POLD2: variants seen among roughly 807,000 people sequenced by gnomAD.
POLD2 encodes the protein DNA polymerase delta 2, accessory subunit.
A neutral mutation model predicts 48.8 loss-of-function variants in POLD2; 31 were observed. That is an observed-to-expected ratio of 0.64 (90% CI 0.48 to 0.86). The LOEUF (loss-of-function observed/expected upper bound fraction) is 0.86. Among genes scored for constraint, POLD2 ranks in the 40% least tolerant of loss-of-function variants. The pLI is 0.00. For missense variants in POLD2, 455 were observed against 610.1 expected (o/e 0.75, Z 2.68); for synonymous variants, 233 against 256.3 (o/e 0.91, Z 0.87).
At chr7:44,117,455 G>A in intron 4 of POLD2, 164 bp downstream of exon 4, 1 of 885,992 alleles carries the variant, frequency 1.1e-6, no homozygotes, top group Non-Finnish European at 1.7e-6. Context: ...CACCCAATCT[G>A]ATGGCCTCCG....
chr7:44,119,371 G>A (rs2096245223), intron 2 of POLD2, among the ~76,000 whole-genome samples: 1 of 152,130 alleles, frequency 6.6e-6, no homozygotes, highest in South Asian at 2.1e-4. Context: ...CACAGCCTGA[G>A]CCCCTGCTGC....
intron 1 of POLD2, chr7:44,122,417 C>T: frequency 1.8e-6 from 2 of 1,104,276 alleles, no homozygotes; most frequent in South Asian, 4.1e-5. Flanking sequence ...TCAGTTTGCC[C>T]CAAATGGAAT....
At position 44,122,008 on chromosome 7, in the gene POLD2, G is replaced by A. The variant is rs904520713; in HGVS notation, c.46C>T (p.Pro16Ser). The A allele has an allele frequency of 1.2e-5, 20 of 1,613,700 alleles. No individual in the cohort carries two copies. Among genetic ancestry groups the A allele is most frequent in the Non-Finnish European group, 1.6e-5 (19 of 1,180,034 alleles). ...AAGGTGGCATTGTTGGCTGATGGTG[G>A]GGACAGTAGAGTGTGGGCCCTCTGG... The part of the protein sequence containing the change: ...AAQRAHTLLS[P>S]PSANNATFAR... Residue 16 changes from proline (P) to serine (S), a missense_variant, in exon 2 of 11, where the codon CCA becomes TCA. This residue lies in a region of POLD2 where 349 missense variants were observed against 437.4 expected (regional missense o/e 0.80). Transcript: ENST00000610533.
chr7:44,123,589 T>G (rs2096251410), upstream of POLD2: 3 of 1,446,148 alleles, frequency 2.1e-6, no homozygotes, highest in African/African-American at 1.5e-5. Context: ...CCGCGCGGCT[T>G]CCCCGCCCAT....
chr7:44,122,361 C>T (rs1174406343), intron 1 of POLD2: 4 of 1,278,766 alleles, frequency 3.1e-6, no homozygotes, highest in Non-Finnish European at 3.9e-6. Flanking sequence ...ACCCTAGACT[C>T]AGGTGTCCTG....
intron 2 of POLD2, among the ~76,000 whole-genome samples, chr7:44,120,211 T>C (rs574217496): frequency 6.6e-6 from 1 of 152,344 alleles, no homozygotes; most frequent in Non-Finnish European, 1.5e-5. Flanking sequence ...CTGTGGCAGC[T>C]GTTTGGTTTC....
At chr7:44,119,709 A>G (rs1029091048) in intron 2 of POLD2, among the ~76,000 whole-genome samples, 1 of 152,252 alleles carries the variant, frequency 6.6e-6, no homozygotes, top group Non-Finnish European at 1.5e-5. Context: ...ATAGTAGGAC[A>G]TGCTTCCACC....
chr7:44,115,639 G>A (rs764210992), intron 9 of POLD2, 127 bp downstream of exon 9: 13 of 1,113,456 alleles, frequency 1.2e-5, no homozygotes, highest in Non-Finnish European at 1.7e-5. Flanking sequence ...CCAAGCCTCT[G>A]AACTTCTCCT....
Position 44,116,006 on chromosome 7 carries a change from G to C in POLD2, c.1019+109C>G. ...CCCCAGAGAGAAGGAACAGATGCTA[G>C]GTGGGCCTCTGCAGCCCTGCCACCT... is the stretch of plus-strand genomic sequence containing the variant. On this transcript the variant is annotated intron_variant, in intron 8 of 10. Transcript: ENST00000610533. The surrounding 1 kb of genome is among the most constrained non-coding windows in gnomAD (Gnocchi z 6.1). The C allele has an allele frequency of 6.3e-7, 1 of 1,593,630 alleles. No homozygotes were observed. Among genetic ancestry groups the C allele is most frequent in the Non-Finnish European group, 8.6e-7 (1 of 1,163,934 alleles).
chr7:44,119,700 T>A (rs548889948), intron 2 of POLD2, among the ~76,000 whole-genome samples: 8 of 152,290 alleles, frequency 5.3e-5, no homozygotes, highest in African/African-American at 1.9e-4. Context: ...CTGTAACCGA[T>A]AGTAGGACAT....
In POLD2 at chr7:44,114,834, C is replaced by G. The variant is rs754549789; in HGVS notation, c.1361G>C (p.Gly454Ala). Residue 454 changes from glycine (G) to alanine (A), a missense_variant, in exon 11 of 11, where the codon GGC becomes GCC. By Grantham distance (60) the Gly-to-Ala change is moderately conservative. Transcript: ENST00000610533. The stretch of plus-strand genomic sequence containing the variant: ...CAGGTCATCGTCCTCTGCCCCGAAG[C>G]CCGAGAAGCTGATGGGCTGGCAGGC... ...SLACQPISFSGFGAEDDDLGG... is the reference protein window; with the variant it reads ...SLACQPISFSAFGAEDDDLGG... 6.2e-7 allele frequency: 1 copy of G among 1,614,002 alleles called. No individual in the cohort carries two copies. Among genetic ancestry groups the G allele is most frequent in the Non-Finnish European group, 8.5e-7 (1 of 1,179,896 alleles).
rs542754317 is a variant in POLD2, at chr7:44,120,378, G to A, written c.220+1456C>T. ...GACATTGGGCCCAAGTAGTAACTGAGCTCTGAAAGGAGCCAAGGAAGGTGT... is the reference window on the plus strand; with the variant it reads ...GACATTGGGCCCAAGTAGTAACTGAACTCTGAAAGGAGCCAAGGAAGGTGT... On this transcript the variant is annotated intron_variant, in intron 2 of 10. Coordinates refer to ENST00000610533, the MANE Select transcript of POLD2 (RefSeq NM_006230.4). 7.9e-5 allele frequency among the ~76,000 whole-genome samples: 12 copies of A among 152,322 alleles called. No individual in the cohort carries two copies. In the East Asian group the frequency reaches 2.1e-3, roughly 27 times the overall value.
At position 44,114,877 on chromosome 7, in the gene POLD2, C is replaced by T. The variant is rs760882410; in HGVS notation, c.1318G>A (p.Val440Met). ...DFSATQTACL[V>M]NLRSLACQPI... Reference sequence around the variant, plus strand: ...TGGCAGGCCAGGCTGCGCAGGTTCACAAGGCAGGCGGTCTGCGTGGCACTG... The same window carrying T: ...TGGCAGGCCAGGCTGCGCAGGTTCATAAGGCAGGCGGTCTGCGTGGCACTG... Residue 440 changes from valine (V) to methionine (M), a missense_variant, in exon 11 of 11, where the codon GTG becomes ATG. Coordinates refer to ENST00000610533, the MANE Select transcript of POLD2 (RefSeq NM_006230.4). 9 of 1,613,898 alleles carry T rather than the reference C, an allele frequency of 5.6e-6. No individual in the cohort carries two copies. Among genetic ancestry groups the T allele is most frequent in the Non-Finnish European group, 7.6e-6 (9 of 1,179,884 alleles).
intron 1 of POLD2, chr7:44,122,435 C>A (rs2096249551): frequency 9.3e-7 from 1 of 1,074,024 alleles, no homozygotes; most frequent in African/African-American, 1.7e-5. Flanking sequence ...AATTCCCGAT[C>A]TGCCTCCATC....
chr7:44,115,613 G>C, intron 9 of POLD2, 153 bp downstream of exon 9: 1 of 884,808 alleles, frequency 1.1e-6, no homozygotes, highest in South Asian at 1.8e-5. Flanking sequence ...TTCCAGAGTA[G>C]CTTCCAGAGC....
upstream of POLD2, chr7:44,123,738 G>A: frequency 3.0e-6 from 4 of 1,333,816 alleles, no homozygotes; most frequent in East Asian, 6.3e-5. Flanking sequence ...AACGCGGGGC[G>A]GGGGCTCGCA....
intron 2 of POLD2, chr7:44,118,344 G>A: frequency 6.3e-6 from 2 of 318,958 alleles, no homozygotes; most frequent in Non-Finnish European, 5.9e-6. Flanking sequence ...GTGAAGACGG[G>A]CAGAGCGGAG....
chr7:44,123,375 G>C, intron 1 of POLD2, 136 bp downstream of exon 1: 2 of 1,413,606 alleles, frequency 1.4e-6, no homozygotes, highest in Admixed American at 6.1e-5. Flanking sequence ...TCCCAGTCAC[G>C]GCGGGTGCCC....
chr7:44,117,381 T>C lies in POLD2; in HGVS notation c.467-134A>G, dbSNP rs541985429. The C allele has an allele frequency of 4.6e-4, 338 of 735,220 alleles. 1 individual carries two copies. In the African/African-American group the frequency reaches 5.3e-3, roughly 12 times the overall value. The allele number at this position is 735,220 out of a possible 1,614,324, so 45.5% of individuals were successfully genotyped here. A position where few individuals can be genotyped will look rare whatever the true frequency, so the allele number is the denominator to read the frequency against. Reference sequence around the variant, plus strand: ...TTCTCACCTAGGACTCCAGGATGCATGCCTGCTTCCTGGAGTCACTGCCCT... The same window carrying C: ...TTCTCACCTAGGACTCCAGGATGCACGCCTGCTTCCTGGAGTCACTGCCCT... On this transcript the variant is annotated intron_variant, in intron 4 of 10. Transcript: ENST00000610533.
Sources: allele counts gnomAD v4.1 joint callset (sites outside exome capture counted in the v4.1 genomes callset), GRCh38; gene constraint gnomAD v4.1.1; regional missense constraint gnomAD v4.1.1; non-coding constraint Gnocchi (gnomAD v3.1); transcripts MANE v1.5; gene names NCBI Gene and HGNC (gene_info 2026-07-23, HGNC 2026-07-21).